The following CSTF2 variants were observed in gnomAD, a reference collection of about 807,000 sequenced individuals.
CSTF2 encodes CF-1 64 kDa subunit.
Under a neutral mutation model 45.4 loss-of-function variants are expected in CSTF2, and 8 were observed. The observed-to-expected ratio is 0.18, with a 90% CI of 0.10 to 0.32. The LOEUF (loss-of-function observed/expected upper bound fraction) is 0.32. Among genes scored for constraint, CSTF2 ranks in the 10% least tolerant of loss-of-function variants. CSTF2 has a pLI of 1.00. For missense variants in CSTF2, 253 were observed against 477.1 expected, an observed-to-expected ratio of 0.53 and a Z score of 4.38; for synonymous variants, 155 against 158.9, an observed-to-expected ratio of 0.98 and a Z score of 0.18.
At chrX:100,834,597 G>A (rs2084996669) in intron 11 of CSTF2, among the ~76,000 whole-genome samples, 1 of 112,281 alleles carries the variant, frequency 8.9e-6, no homozygotes, top group Non-Finnish European at 1.9e-5. Flanking sequence ...TGTTTGAAGT[G>A]TTTGTGGGCC....
intron 8 of CSTF2, among the ~76,000 whole-genome samples, chrX:100,828,597 A>G (rs138022778): frequency 0.037 from 4,117 of 112,100 alleles, 208 homozygotes; most frequent in African/African-American, 0.13. Flanking sequence ...GGAGGGAATC[A>G]TAGGTCTGTA....
intron 7 of CSTF2, among the ~76,000 whole-genome samples, chrX:100,827,254 ACATAAT>A (rs1233865722): frequency 8.9e-6 from 1 of 112,394 alleles, no homozygotes; most frequent in Non-Finnish European, 1.9e-5. Flanking sequence ...ATTTTAACAA[ACATAAT>A]CAGAACAAAC....
chrX:100,831,542 T>C lies in CSTF2; in HGVS notation c.917T>C (p.Met306Thr), dbSNP rs2084975416. The change falls in exon 9 of 14, where the codon ATG becomes ACG. Residue 306 changes from methionine to threonine, a missense_variant. Around this residue, in one of 3 missense-constraint regions of CSTF2, gnomAD observed 200 missense variants for 294.0 expected, o/e 0.68. Coordinates refer to ENST00000372972, the MANE Select transcript of CSTF2 (RefSeq NM_001325.3). ...CCGATGCAAGACCCCAGAGCAGCTA[T>C]GCAGCGGGGATCCTTGCCTGCGAAT... is the stretch of plus-strand genomic sequence containing the variant. ...QVPMQDPRAA[M>T]QRGSLPANVP... 2 of 1,210,110 alleles carry C rather than the reference T, an allele frequency of 1.7e-6. No individual in the cohort carries two copies. Among genetic ancestry groups the C allele is most frequent in the African/African-American group, 1.7e-5 (1 of 57,234 alleles).
At chrX:100,827,429 A>G (rs1483284872) in intron 7 of CSTF2, among the ~76,000 whole-genome samples, 1 of 112,416 alleles carries the variant, frequency 8.9e-6, no homozygotes, top group Non-Finnish European at 1.9e-5. Flanking sequence ...CATATGAAAC[A>G]TCTGTATGAA....
At chrX:100,839,310 A>C (rs1273445406) in intron 13 of CSTF2, among the ~76,000 whole-genome samples, 1 of 109,261 alleles carries the variant, frequency 9.2e-6, no homozygotes, top group East Asian at 2.8e-4. Context: ...TGACAACTTG[A>C]TTACACATAC....
intron 8 of CSTF2, among the ~76,000 whole-genome samples, chrX:100,830,314 G>A (rs1370070718): frequency 2.7e-5 from 3 of 111,993 alleles, no homozygotes; most frequent in Non-Finnish European, 5.6e-5. Context: ...AAATTTTTGT[G>A]CTTTAAAATG....
chrX:100,840,141 G>T (rs1412991319), intron 13 of CSTF2, among the ~76,000 whole-genome samples: 2 of 111,577 alleles, frequency 1.8e-5, no homozygotes, highest in Non-Finnish European at 1.9e-5. Flanking sequence ...ATGTATGTGT[G>T]GTTCTATGCA....
chrX:100,833,776 C>T (rs890701191), intron 11 of CSTF2, among the ~76,000 whole-genome samples: 21 of 111,787 alleles, frequency 1.9e-4, no homozygotes, highest in Admixed American at 1.5e-3. Flanking sequence ...ATCATGTACA[C>T]GGTTTTTTCC....
Position 100,834,480 on chromosome X carries a change from T to G in CSTF2, c.1500+1008T>G, listed in dbSNP as rs574493433. ...ACTACTCTGTCCTGTTATCTGCACA[T>G]TTGTGTGTGTGTATATGTGTGGATA... On this transcript the variant is annotated intron_variant, in intron 11 of 13. Coordinates refer to ENST00000372972, the MANE Select transcript of CSTF2 (RefSeq NM_001325.3). Among the ~76,000 whole-genome samples, 72 of 112,245 alleles carry G rather than the reference T, an allele frequency of 6.4e-4. No homozygotes were observed. In the South Asian group the frequency reaches 0.025, roughly 39 times the overall value.
Position 100,820,458 on chromosome X carries a change from T to C in CSTF2, c.42T>C (p.Ser14=). ...TGAGAGACCCAGCGGTGGATCGTTC[T>C]CTACGTTCTGTGTTCGGTGAGAGGA... The part of the protein sequence containing the change: ...LTVRDPAVDR[S]LRSVFVGNIP... Residue 14 remains serine, a synonymous_variant, in exon 1 of 14, where the codon TCT becomes TCC. Coordinates refer to ENST00000372972, the MANE Select transcript of CSTF2 (RefSeq NM_001325.3). The C allele has an allele frequency of 8.3e-7, 1 of 1,211,864 alleles. No homozygotes were observed. Among genetic ancestry groups the C allele is most frequent in the Non-Finnish European group, 1.1e-6 (1 of 895,254 alleles).
chrX:100,822,180 A>G, intron 2 of CSTF2, 71 bp from the exon 3 acceptor site: 1 of 857,459 alleles, frequency 1.2e-6, no homozygotes, highest in Non-Finnish European at 1.7e-6. Context: ...GCCCAATTAA[A>G]GCATGGCAAT....
At position 100,833,266 on chromosome X, in the gene CSTF2, G is replaced by C. The variant is rs373603170; in HGVS notation, c.1294G>C (p.Ala432Pro). The C allele has an allele frequency of 8.3e-7, 1 of 1,209,761 alleles. No homozygotes were observed. Among genetic ancestry groups the C allele is most frequent in the Non-Finnish European group, 1.1e-6 (1 of 894,594 alleles). The change falls in exon 11 of 14, where the codon GCC becomes CCC. Residue 432 changes from alanine to proline, a missense_variant. Physicochemically the swap from Ala to Pro is conservative, Grantham distance 27. Transcript: ENST00000372972. ...ARGLDARGLE[A>P]RAMEARAMEA... ...AGGGTTAGATGCCAGAGGATTAGAG[G>C]CCCGTGCAATGGAGGCCCGTGCGAT...
At position 100,841,082 on chromosome X, in the gene CSTF2, T is replaced by C. The variant is rs1433270655; in HGVS notation, c.*372T>C. 8.9e-6 allele frequency: 1 copy of C among 112,615 alleles called. No homozygotes were observed. Among genetic ancestry groups the C allele is most frequent in the Non-Finnish European group, 1.9e-5 (1 of 53,345 alleles). The allele number at this position is 112,615 out of a possible 1,213,427, so 9.3% of individuals were successfully genotyped here. The stretch of plus-strand genomic sequence containing the variant: ...TAACCACTTATTCTTCTTGATGATA[T>C]TTGAGAATTTCTCAGAAGCAATGTT... On this transcript the variant is annotated 3_prime_UTR_variant, in exon 14 of 14. Transcript: ENST00000372972.
intron 6 of CSTF2, among the ~76,000 whole-genome samples, chrX:100,824,998 A>G (rs1460414613): frequency 1.8e-5 from 2 of 112,817 alleles, no homozygotes; most frequent in South Asian, 7.2e-4. Flanking sequence ...CATAATATCA[A>G]CACAACTCCA....
At chrX:100,837,826 A>AC (rs758673879) in intron 12 of CSTF2, among the ~76,000 whole-genome samples, 132 of 111,125 alleles carry the variant, frequency 1.2e-3, no homozygotes, top group Non-Finnish European at 2.1e-3. Flanking sequence ...TTTATATTTG[A>AC]CCATTGTGGG....
chrX:100,832,435 A>G (rs1424853792), intron 9 of CSTF2, among the ~76,000 whole-genome samples: 1 of 111,891 alleles, frequency 8.9e-6, no homozygotes, highest in East Asian at 2.8e-4. Flanking sequence ...TAAGTGATAG[A>G]GCCTAGATTT....
intron 8 of CSTF2, among the ~76,000 whole-genome samples, chrX:100,831,271 G>A (rs1016074193): frequency 9.0e-6 from 1 of 111,679 alleles, no homozygotes; most frequent in East Asian, 2.8e-4. Flanking sequence ...TCTCCAGGTC[G>A]CAGTGCTAGT....
chrX:100,825,676 A>G (rs1457584978), intron 6 of CSTF2, among the ~76,000 whole-genome samples: 1 of 111,691 alleles, frequency 9.0e-6, no homozygotes, highest in Non-Finnish European at 1.9e-5. Context: ...CATAGGCAAT[A>G]AGTGAACAAG....
intron 6 of CSTF2, 86 bp from the exon 7 acceptor site, chrX:100,826,548 T>G (rs372474136): frequency 9.3e-6 from 9 of 966,053 alleles, no homozygotes; most frequent in East Asian, 6.2e-5. Flanking sequence ...GGGCTGTTCA[T>G]TTGAAGAGGA....
Sources: gnomAD v4.1 joint callset for allele counts (sites outside exome capture counted in the v4.1 genomes callset) on GRCh38, gnomAD v4.1.1 for gene constraint, gnomAD v4.1.1 regional missense constraint, MANE v1.5 for transcripts, NCBI Gene and HGNC (gene_info 2026-07-23, HGNC 2026-07-21) for gene names.